Variants in POLR1D observed in about 807,000 individuals in gnomAD.
POLR1D encodes the protein DNA-directed RNA polymerases I and III subunit RPAC2.
A neutral mutation model predicts 10.8 loss-of-function variants in POLR1D; 8 were observed. That is an observed-to-expected ratio of 0.74 (90% CI 0.43 to 1.33). The LOEUF (loss-of-function observed/expected upper bound fraction) is 1.33, where lower values mean the gene tolerates loss of function less well. POLR1D is among the 40% of genes most tolerant of loss of function. The probability of loss-of-function intolerance (pLI) is 0.01; values close to 1 mark genes in which losing one functional copy is unlikely to be tolerated. For synonymous variants in POLR1D, 54 were observed against 57.2 expected (o/e 0.94, Z 0.25); for missense variants, 152 against 161.7 (o/e 0.94, Z 0.32).
At chr13:27,654,072 G>A (rs1956288925) in intron 2 of POLR1D, among the ~76,000 whole-genome samples, 3 of 152,144 alleles carry the variant, frequency 2.0e-5, no homozygotes, top group African/African-American at 7.2e-5. Flanking sequence ...AACTATGATT[G>A]ATATTTTCTT....
At chr13:27,622,094 C>T in intron 1 of POLR1D, 85 bp downstream of exon 1, 4 of 1,143,664 alleles carry the variant, frequency 3.5e-6, no homozygotes, top group South Asian at 2.6e-5. Flanking sequence ...GCCTGGCAGC[C>T]GGGGCCTGAC....
intron 2 of POLR1D, among the ~76,000 whole-genome samples, chr13:27,655,956 A>AGGAAAGTAAACAAAAAAAAG (rs1555273722): frequency 1.3e-5 from 2 of 152,160 alleles, no homozygotes; most frequent in Non-Finnish European, 2.9e-5. Context: ...CTAGTGGAGA[A>AGGAAAGTAAACAAAAAAAAG]AGGGTGGATT....
chr13:27,652,916 T>A (rs9319381), intron 2 of POLR1D, among the ~76,000 whole-genome samples: 2 of 118,808 alleles, frequency 1.7e-5, no homozygotes, highest in Admixed American at 2.0e-4. Context: ...CATTTCTTTT[T>A]TTTTTTTTTT....
downstream of POLR1D, chr13:27,623,465 T>A: frequency 2.8e-6 from 3 of 1,080,282 alleles, no homozygotes; most frequent in Non-Finnish European, 3.7e-6. Flanking sequence ...TTGACTGGTT[T>A]CTGTTCCATG....
intron 1 of POLR1D, among the ~76,000 whole-genome samples, chr13:27,641,091 G>A (rs1956169268): frequency 1.3e-5 from 2 of 152,108 alleles, no homozygotes; most frequent in Admixed American, 1.3e-4. Flanking sequence ...ATCCATGTTT[G>A]GTTGAATCCA....
chr13:27,627,265 T>G (rs1956020737), downstream of POLR1D, among the ~76,000 whole-genome samples: 1 of 151,822 alleles, frequency 6.6e-6, no homozygotes, highest in Non-Finnish European at 1.5e-5. Flanking sequence ...CCTGGTACAG[T>G]TACTGCGTGG....
At chr13:27,634,386 C>T (rs77844294) in intron 1 of POLR1D, among the ~76,000 whole-genome samples, 1,634 of 152,176 alleles carry the variant, frequency 0.011, 26 homozygotes, top group African/African-American at 0.038. Flanking sequence ...TGGTCCCCAT[C>T]GGAGAGCAAT....
intron 1 of POLR1D, among the ~76,000 whole-genome samples, chr13:27,633,924 C>T (rs1030318687): frequency 2.0e-5 from 3 of 152,142 alleles, no homozygotes; most frequent in Non-Finnish European, 2.9e-5. Context: ...TTAATATAAG[C>T]TTCATTTATC....
chr13:27,635,945 T>A (rs1956121571), intron 1 of POLR1D, among the ~76,000 whole-genome samples: 3 of 152,036 alleles, frequency 2.0e-5, no homozygotes. Context: ...GATTTAAAAC[T>A]GTAAAGGAAG....
intron 2 of POLR1D, among the ~76,000 whole-genome samples, chr13:27,652,911 CTTTTTTTTTT>C (rs71083685): frequency 2.2e-5 from 2 of 89,332 alleles, no homozygotes; most frequent in Admixed American, 1.3e-4. Context: ...TTTACCATTT[CTTTTTTTTTT>C]TTTTTTTTTT....
At chr13:27,639,517 G>A (rs1010643051) in intron 1 of POLR1D, among the ~76,000 whole-genome samples, 7 of 152,092 alleles carry the variant, frequency 4.6e-5, no homozygotes, top group South Asian at 4.2e-4. Context: ...CATTTACTCA[G>A]GTTTTATAAT....
chr13:27,644,415 G>A (rs903060419), intron 1 of POLR1D, among the ~76,000 whole-genome samples: 2 of 152,188 alleles, frequency 1.3e-5, no homozygotes, highest in East Asian at 3.8e-4. Context: ...TATTTAAGCT[G>A]CTATTATGAT....
downstream of POLR1D, among the ~76,000 whole-genome samples, chr13:27,627,074 GTCT>G (rs1956018089): frequency 6.6e-6 from 1 of 152,152 alleles, no homozygotes; most frequent in Admixed American, 6.6e-5. Context: ...CTAGACAAAA[GTCT>G]TCTTTTTGGT....
chr13:27,628,673 C>T (rs771459116), intron 1 of POLR1D, among the ~76,000 whole-genome samples: 1 of 152,058 alleles, frequency 6.6e-6, no homozygotes, highest in Non-Finnish European at 1.5e-5. Context: ...TTTATATCAT[C>T]TGTTTTTAAT....
chr13:27,621,736 C>A, upstream of POLR1D: 3 of 322,878 alleles, frequency 9.3e-6, no homozygotes, highest in Non-Finnish European at 1.1e-5. Flanking sequence ...CTCGCGTGGT[C>A]GCCCAGGTGA....
At chr13:27,646,383 A>G (rs1332481492) in intron 1 of POLR1D, among the ~76,000 whole-genome samples, 1 of 152,208 alleles carries the variant, frequency 6.6e-6, no homozygotes, top group African/African-American at 2.4e-5. Flanking sequence ...ACTGTAAGAG[A>G]CAAAGTCCCC....
Position 27,621,906 on chromosome 13 carries a change from T to TCGCCTCCG in POLR1D, c.-71_-64dup. Reference sequence around the variant, plus strand: ...CGTCGGTCGGTCCTTGCTTCCTGCTTCGCCTCCGCGCCTCGCGCTATGGGA... The same window carrying TCGCCTCCG: ...CGTCGGTCGGTCCTTGCTTCCTGCTTCGCCTCCGCGCCTCCGCGCCTCGCGCTATGGGA... On this transcript the variant is annotated 5_prime_UTR_variant, in exon 1 of 2. Transcript: ENST00000302979. 2 of 1,478,136 alleles carry TCGCCTCCG rather than the reference T, an allele frequency of 1.4e-6. No homozygotes were observed. The highest frequency in any genetic ancestry group is 2.0e-5 in the Admixed American group (1 of 51,164). The allele number at this position is 1,478,136 out of a possible 1,614,324, so 91.6% of individuals were successfully genotyped here.
chr13:27,629,431 A>G (rs140757915), intron 1 of POLR1D, among the ~76,000 whole-genome samples: 30 of 152,284 alleles, frequency 2.0e-4, no homozygotes, highest in African/African-American at 7.2e-4. Flanking sequence ...CATAAAGCAT[A>G]CTCTCAATCA....
exon 3 of POLR1D, chr13:27,667,174 C>G (rs1300259198): frequency 6.6e-6 from 1 of 152,210 alleles, no homozygotes; most frequent in Non-Finnish European, 1.5e-5. Flanking sequence ...TGATCCACCC[C>G]TTCTCCCACC....
Sources: allele counts gnomAD v4.1 joint callset (sites outside exome capture counted in the v4.1 genomes callset), GRCh38; gene constraint gnomAD v4.1.1; transcripts MANE v1.5; gene names NCBI Gene and HGNC (gene_info 2026-07-23, HGNC 2026-07-21).